NTM: variants seen among roughly 807,000 people sequenced by gnomAD.
NTM encodes the protein IgLON family member 2.
A neutral mutation model predicts 42.1 loss-of-function variants in NTM; 13 were observed. The ratio of observed to expected loss-of-function variants is 0.31; its 90% CI spans 0.20 to 0.49. The LOEUF (loss-of-function observed/expected upper bound fraction) is 0.49. Ranked by LOEUF, NTM falls within the 20% of genes least tolerant of loss-of-function variation. The pLI, the probability that NTM is intolerant of heterozygous loss-of-function variation, is 0.99. For missense variants in NTM, 373 were observed against 452.8 expected, an observed-to-expected ratio of 0.82 and a Z score of 1.60; for synonymous variants, 187 against 179.2, an observed-to-expected ratio of 1.04 and a Z score of -0.35.
At chr11:131,654,812 C>T (rs1351150538) in intron 1 of NTM, among the ~76,000 whole-genome samples, 1 of 152,196 alleles carries the variant, frequency 6.6e-6, no homozygotes, top group Non-Finnish European at 1.5e-5. Flanking sequence ...TGAGGCCTCA[C>T]CAGAAGCTGG....
At chr11:131,471,573 A>T (rs1027470095) in intron 1 of NTM, among the ~76,000 whole-genome samples, 1 of 152,220 alleles carries the variant, frequency 6.6e-6, no homozygotes, top group Non-Finnish European at 1.5e-5. Context: ...TTAGTCTTAT[A>T]TTTATATTAA....
chr11:132,078,861 C>A (rs1157293948), intron 2 of NTM, among the ~76,000 whole-genome samples: 2 of 152,152 alleles, frequency 1.3e-5, no homozygotes, highest in East Asian at 3.9e-4. Flanking sequence ...AACCTCTTTC[C>A]CCTTTTTGAA....
chr11:131,716,727 C>A (rs1461558760), intron 1 of NTM, among the ~76,000 whole-genome samples: 1 of 152,116 alleles, frequency 6.6e-6, no homozygotes, highest in Admixed American at 6.5e-5. Flanking sequence ...TCATCTTTAT[C>A]AAAAATCAGT....
At chr11:131,549,972 C>T (rs562268204) in intron 1 of NTM, among the ~76,000 whole-genome samples, 10 of 152,168 alleles carry the variant, frequency 6.6e-5, no homozygotes, top group Non-Finnish European at 7.3e-5. Context: ...TTGCATTTCA[C>T]GTCCTGCAGG....
chr11:131,965,621 G>T (rs777943600), intron 2 of NTM, among the ~76,000 whole-genome samples: 3 of 152,186 alleles, frequency 2.0e-5, no homozygotes, highest in African/African-American at 7.2e-5. Flanking sequence ...GCTTAACGAG[G>T]TTGAGTGCTT....
intron 2 of NTM, among the ~76,000 whole-genome samples, chr11:132,015,484 G>T (rs1428484840): frequency 6.6e-6 from 1 of 151,800 alleles, no homozygotes; most frequent in South Asian, 2.1e-4. Context: ...GCTTTGGGTA[G>T]TATGGTGGTT....
intron 1 of NTM, among the ~76,000 whole-genome samples, chr11:131,659,174 T>G (rs565871165): frequency 6.6e-6 from 1 of 152,334 alleles, no homozygotes; most frequent in South Asian, 2.1e-4. Flanking sequence ...CCACACATTT[T>G]TCACCAGCTC....
intron 4 of NTM, among the ~76,000 whole-genome samples, chr11:132,256,343 C>T (rs1221358243): frequency 6.6e-6 from 1 of 152,186 alleles, no homozygotes; most frequent in African/African-American, 2.4e-5. Context: ...CCAGTGCTTC[C>T]CTCACCCCTC....
intron 1 of NTM, among the ~76,000 whole-genome samples, chr11:131,619,023 G>T (rs2062243008): frequency 6.6e-6 from 1 of 152,200 alleles, no homozygotes; most frequent in Non-Finnish European, 1.5e-5. Flanking sequence ...CTAGTGCTAG[G>T]CTCGAGAGGT....
chr11:132,031,816 CAGTG>C (rs1231443206), intron 2 of NTM, among the ~76,000 whole-genome samples: 4 of 152,110 alleles, frequency 2.6e-5, no homozygotes, highest in South Asian at 2.1e-4. Flanking sequence ...ATATTTTACT[CAGTG>C]AGAGAGCATG....
intron 1 of NTM, among the ~76,000 whole-genome samples, chr11:131,695,158 A>ACCCCCCC: frequency 2.2e-5 from 1 of 46,114 alleles, no homozygotes; most frequent in South Asian, 1.1e-3. Context: ...TTTAGTACCC[A>ACCCCCCC]CCCCCCCGCC....
chr11:131,626,210 C>T (rs1285535796), intron 1 of NTM, among the ~76,000 whole-genome samples: 1 of 151,902 alleles, frequency 6.6e-6, no homozygotes, highest in Non-Finnish European at 1.5e-5. Flanking sequence ...GAGAATATAC[C>T]TATTAAATAG....
intron 2 of NTM, among the ~76,000 whole-genome samples, chr11:131,960,418 C>T (rs2062030472): frequency 6.6e-6 from 1 of 152,186 alleles, no homozygotes; most frequent in Admixed American, 6.5e-5. Flanking sequence ...CGGCTGGATG[C>T]CATTCATCTG....
chr11:132,112,197 T>C (rs2063302211), intron 2 of NTM, among the ~76,000 whole-genome samples: 1 of 130,088 alleles, frequency 7.7e-6, no homozygotes, highest in African/African-American at 3.1e-5. Flanking sequence ...GTTATGCAGA[T>C]TGGAGCATCT....
Position 132,146,556 on chromosome 11 carries a change from C to G in NTM, c.400+42C>G. 1 of 1,600,096 alleles carries G rather than the reference C, an allele frequency of 6.2e-7. No individual in the cohort carries two copies. The highest frequency in any genetic ancestry group is 8.5e-7 in the Non-Finnish European group (1 of 1,170,940). ...TGGCGGGGAGATCTGGCTGGCCAGC[C>G]TGGAAAGCCTTCAGGTAAAGGTTTG... On this transcript the variant is annotated intron_variant, in intron 3 of 8. Transcript: ENST00000683400. The surrounding 1 kb of genome is among the most constrained non-coding windows in gnomAD (Gnocchi z 4.5).
chr11:131,515,697 T>C (rs1480494090), intron 1 of NTM, among the ~76,000 whole-genome samples: 1 of 152,176 alleles, frequency 6.6e-6, no homozygotes, highest in Non-Finnish European at 1.5e-5. Flanking sequence ...TGTAATAAAC[T>C]TACAGAGTTA....
At chr11:131,890,492 C>T (rs370234976) in intron 1 of NTM, among the ~76,000 whole-genome samples, 7 of 152,258 alleles carry the variant, frequency 4.6e-5, no homozygotes, top group East Asian at 1.9e-4. Context: ...GTAGAGGAGA[C>T]GAGGAAACTC....
intron 1 of NTM, among the ~76,000 whole-genome samples, chr11:131,740,209 G>C (rs2081009003): frequency 1.3e-5 from 2 of 152,138 alleles, no homozygotes; most frequent in Non-Finnish European, 2.9e-5. Flanking sequence ...AGCCTCACTG[G>C]TTACACTTCT....
chr11:132,067,818 C>T (rs1303982572), intron 2 of NTM, among the ~76,000 whole-genome samples: 1 of 152,192 alleles, frequency 6.6e-6, no homozygotes, highest in East Asian at 1.9e-4. Flanking sequence ...AAGGGTAGCA[C>T]ATGTTTGCAA....
Sources: gnomAD v4.1 joint callset for allele counts (sites outside exome capture counted in the v4.1 genomes callset) on GRCh38, gnomAD v4.1.1 for gene constraint, Gnocchi (gnomAD v3.1) non-coding constraint, MANE v1.5 for transcripts, NCBI Gene and HGNC (gene_info 2026-07-23, HGNC 2026-07-21) for gene names.